The following BAIAP2 variants were observed in gnomAD, a reference collection of about 807,000 sequenced individuals.
BAIAP2 encodes the protein BAR/IMD domain-containing adapter protein 2.
Under a neutral mutation model 63.0 loss-of-function variants are expected in BAIAP2, and 18 were observed. The observed-to-expected ratio is 0.29, with a 90% CI of 0.20 to 0.42. BAIAP2 has a LOEUF of 0.42. BAIAP2 is among the 10% of genes least tolerant of loss of function. The pLI is 1.00. For synonymous variants in BAIAP2, 386 were observed against 307.6 expected, an observed-to-expected ratio of 1.25 and a Z score of -2.67; for missense variants, 610 against 734.3, an observed-to-expected ratio of 0.83 and a Z score of 1.96.
intron 1 of BAIAP2, among the ~76,000 whole-genome samples, chr17:81,038,099 C>T (rs898659398): frequency 3.3e-5 from 5 of 152,226 alleles, no homozygotes; most frequent in African/African-American, 1.2e-4. Context: ...GCGCGGAAGA[C>T]CCCTTCCTCC....
chr17:81,071,879 C>T (rs1049158236), intron 3 of BAIAP2, among the ~76,000 whole-genome samples: 5 of 152,246 alleles, frequency 3.3e-5, no homozygotes, highest in African/African-American at 1.2e-4. Context: ...CCTCCTCCAG[C>T]GTGGCACGGA....
In BAIAP2 at chr17:81,113,958, CTTTTTTTTTT is replaced by C. The variant is rs58758919; in HGVS notation, c.1536-1797_1536-1788del. ...TCTAGGACCCTTCTCTGGGAACCCA[CTTTTTTTTTT>C]TTTTTTTTTTTTTTGAGACAGGGTC... On this transcript the variant is annotated intron_variant, in intron 13 of 13. Coordinates refer to ENST00000428708, the MANE Select transcript of BAIAP2 (RefSeq NM_001144888.2). Among the ~76,000 whole-genome samples, 4 of 83,170 alleles carry C rather than the reference CTTTTTTTTTT, an allele frequency of 4.8e-5. No homozygotes were observed. The East Asian group carries it at 1.1e-3, about 23-fold the overall frequency. The allele number at this position is 83,170 out of a possible 152,430, so 54.6% of individuals were successfully genotyped here.
intron 6 of BAIAP2, among the ~76,000 whole-genome samples, chr17:81,089,035 C>T (rs1568145407): frequency 6.6e-6 from 1 of 152,268 alleles, no homozygotes; most frequent in Non-Finnish European, 1.5e-5. Context: ...CCTGACCGCA[C>T]ACCTGGCCTC....
At chr17:81,086,306 C>A in intron 5 of BAIAP2, 137 bp from the exon 6 acceptor site, 2 of 1,085,922 alleles carry the variant, frequency 1.8e-6, no homozygotes, top group Non-Finnish European at 2.7e-6. Flanking sequence ...GGCCAGAGAG[C>A]GAGCCAGGAA....
intron 1 of BAIAP2, among the ~76,000 whole-genome samples, chr17:81,040,109 G>C (rs578126597): frequency 1.3e-5 from 2 of 152,216 alleles, no homozygotes; most frequent in Non-Finnish European, 2.9e-5. Context: ...ACTCGCCACC[G>C]TCTGTGGAGG....
At chr17:81,106,705 T>C (rs1220756650) in intron 11 of BAIAP2, 40 bp from the exon 12 acceptor site, 1 of 1,610,728 alleles carries the variant, frequency 6.2e-7, no homozygotes, top group African/African-American at 1.3e-5. Context: ...GTTGGGGGCA[T>C]CCGGCCTGCT....
At position 81,104,580 on chromosome 17, in the gene BAIAP2, G is replaced by A. The variant is rs775502491; in HGVS notation, c.1133G>A (p.Arg378Gln). Residue 378 changes from arginine to glutamine, a missense_variant, in exon 10 of 14, where the codon CGG (arginine) becomes CAG (glutamine). Transcript: ENST00000428708. ...AAGLERNGRM[R>Q]VKAIFSHAAG... ...GGCCTGGAGCGCAATGGCCGTATGCGGGTGAAGGCCATCTTCTCCCACGCT... is the reference window on the plus strand; with the variant it reads ...GGCCTGGAGCGCAATGGCCGTATGCAGGTGAAGGCCATCTTCTCCCACGCT... 1.1e-5 allele frequency: 18 copies of A among 1,612,098 alleles called. No homozygotes were observed. The East Asian group carries it at 2.0e-4, about 18-fold the overall frequency.
intron 1 of BAIAP2, among the ~76,000 whole-genome samples, chr17:81,042,295 A>C (rs1449246409): frequency 1.4e-5 from 2 of 147,334 alleles, no homozygotes; most frequent in African/African-American, 2.5e-5. Context: ...GGCGTGCCCC[A>C]CCTGTGTGCC....
chr17:81,091,186 G>GCCCCA (rs113764466), intron 6 of BAIAP2, among the ~76,000 whole-genome samples: 58,234 of 111,560 alleles, frequency 0.52, 16,551 homozygotes, highest in East Asian at 0.7. Flanking sequence ...CATTTATGTG[G>GCCCCA]CCCCACCCCA....
Position 81,046,308 on chromosome 17 carries a change from A to G in BAIAP2, c.55-7360A>G, listed in dbSNP as rs2047799547. 6.6e-6 allele frequency among the ~76,000 whole-genome samples: 1 copy of G among 151,972 alleles called. No homozygotes were observed. On this transcript the variant is annotated intron_variant, in intron 1 of 13. Transcript: ENST00000428708. This position sits in a 1 kb window ranked among gnomAD's most constrained non-coding sequence, Gnocchi z 4.5. ...TACATGTGTTTGTAGTTTGTCTCCG[A>G]CTCAAACCAAGTAAGATGCAGTTCA...
chr17:81,067,386 CG>C (rs942994748), intron 3 of BAIAP2, among the ~76,000 whole-genome samples: 2 of 152,120 alleles, frequency 1.3e-5, no homozygotes, highest in African/African-American at 4.8e-5. Context: ...GGGAAGGGGG[CG>C]GGGGGGCCTC....
chr17:81,044,587 T>C (rs1455828819), intron 1 of BAIAP2, among the ~76,000 whole-genome samples: 1 of 152,204 alleles, frequency 6.6e-6, no homozygotes, highest in African/African-American at 2.4e-5. Flanking sequence ...CACGTGCATC[T>C]TGGGAGGGGA....
intron 3 of BAIAP2, among the ~76,000 whole-genome samples, chr17:81,067,660 C>G (rs975525991): frequency 6.6e-6 from 1 of 152,218 alleles, no homozygotes; most frequent in African/African-American, 2.4e-5. Flanking sequence ...GAGTCTCACT[C>G]AGCAAGAGGC....
chr17:81,105,069 C>T (rs1156308581), intron 10 of BAIAP2: 1 of 218,176 alleles, frequency 4.6e-6, no homozygotes, highest in Non-Finnish European at 9.5e-6. Flanking sequence ...GGTCTCCCCC[C>T]AATGGCTCGG....
chr17:81,035,873 C>T (rs1206903235), intron 1 of BAIAP2: 1 of 152,258 alleles, frequency 6.6e-6, no homozygotes, highest in Admixed American at 6.5e-5. Context: ...CAACTCCTGC[C>T]CGGCGCCCAT....
chr17:81,113,189 G>A (rs560663626), intron 13 of BAIAP2, among the ~76,000 whole-genome samples: 3 of 152,198 alleles, frequency 2.0e-5, no homozygotes, highest in South Asian at 2.1e-4. Context: ...CGCCCTGCCC[G>A]CCCAACAGCT....
At chr17:81,104,488 C>T in intron 9 of BAIAP2, 26 bp from the exon 10 acceptor site, 1 of 1,572,074 alleles carries the variant, frequency 6.4e-7, no homozygotes, top group African/African-American at 1.3e-5. Flanking sequence ...AGGGGCAGTC[C>T]CCTTACCTGT....
intron 3 of BAIAP2, among the ~76,000 whole-genome samples, chr17:81,080,362 C>T (rs1441602988): frequency 6.6e-6 from 1 of 152,250 alleles, no homozygotes; most frequent in Non-Finnish European, 1.5e-5. Context: ...TGATTTTGTG[C>T]AGCCGCCGCT....
At chr17:81,043,148 T>C (rs2047319662) in intron 1 of BAIAP2, among the ~76,000 whole-genome samples, 1 of 152,216 alleles carries the variant, frequency 6.6e-6, no homozygotes, top group Non-Finnish European at 1.5e-5. Context: ...ATTACAGGCG[T>C]GAGCCACTGC....
Sources: allele counts gnomAD v4.1 joint callset (sites outside exome capture counted in the v4.1 genomes callset), GRCh38; gene constraint gnomAD v4.1.1; non-coding constraint Gnocchi (gnomAD v3.1); transcripts MANE v1.5; gene names NCBI Gene and HGNC (gene_info 2026-07-23, HGNC 2026-07-21).